Variants in KCNK2 observed in about 807,000 individuals in gnomAD.
KCNK2 encodes potassium two pore domain channel subfamily K member 2.
KCNK2 carries 21 observed loss-of-function variants against 40.5 expected under a neutral mutation model. The observed-to-expected ratio is 0.52, with a 90% CI of 0.37 to 0.75. KCNK2 has a LOEUF of 0.75. Ranked by LOEUF, KCNK2 falls within the 30% of genes least tolerant of loss-of-function variation. KCNK2 has a pLI of 0.00. For synonymous variants in KCNK2, 191 were observed against 202.2 expected (o/e 0.94, Z 0.47); for missense variants, 399 against 531.6 (o/e 0.75, Z 2.45).
intron 1 of KCNK2, among the ~76,000 whole-genome samples, chr1:215,036,155 T>G (rs1179747923): frequency 2.6e-5 from 4 of 151,778 alleles, no homozygotes; most frequent in African/African-American, 9.7e-5. Context: ...CCTAGAAAAT[T>G]TATAATTTTA....
intron 6 of KCNK2, among the ~76,000 whole-genome samples, chr1:215,199,966 T>C (rs973935128): frequency 1.3e-5 from 2 of 152,146 alleles, no homozygotes; most frequent in African/African-American, 4.8e-5. Context: ...GTTTGGGTGT[T>C]CCTGTGCACA....
intron 3 of KCNK2, among the ~76,000 whole-genome samples, chr1:215,142,184 A>G (rs1398010763): frequency 6.6e-6 from 1 of 151,698 alleles, no homozygotes; most frequent in African/African-American, 2.4e-5. Flanking sequence ...TCTTTTCCTA[A>G]TTTTGTCTTT....
intron 1 of KCNK2, among the ~76,000 whole-genome samples, chr1:215,060,955 A>C (rs61818277): frequency 0.011 from 1,698 of 152,310 alleles, 39 homozygotes; most frequent in South Asian, 0.097. Flanking sequence ...GAAGACATGA[A>C]TGTTAGGAAA....
intron 3 of KCNK2, among the ~76,000 whole-genome samples, chr1:215,155,491 C>T (rs1465717593): frequency 6.6e-6 from 1 of 151,916 alleles, no homozygotes; most frequent in Non-Finnish European, 1.5e-5. Flanking sequence ...AAATTTGTTA[C>T]TTATTCAGGA....
intron 6 of KCNK2, among the ~76,000 whole-genome samples, chr1:215,222,410 C>A (rs779041661): frequency 6.6e-6 from 1 of 152,134 alleles, no homozygotes; most frequent in African/African-American, 2.4e-5. Flanking sequence ...TTTGATTTTG[C>A]AGCCACACCT....
chr1:215,203,667 T>C (rs1322985642), intron 6 of KCNK2, among the ~76,000 whole-genome samples: 2 of 151,872 alleles, frequency 1.3e-5, no homozygotes, highest in African/African-American at 4.8e-5. Context: ...ACAAAAACTA[T>C]TGAGGGTGTG....
At chr1:215,021,579 T>C (rs1656792997) in intron 1 of KCNK2, among the ~76,000 whole-genome samples, 2 of 128,140 alleles carry the variant, frequency 1.6e-5, no homozygotes, top group African/African-American at 3.1e-5. Flanking sequence ...GGAATCTCGC[T>C]CTGTCGCCCA....
chr1:215,168,057 T>C (rs943629911), intron 3 of KCNK2, among the ~76,000 whole-genome samples: 1 of 151,968 alleles, frequency 6.6e-6, no homozygotes, highest in Non-Finnish European at 1.5e-5. Context: ...GCAAAAGATA[T>C]GAACAGACAC....
intron 2 of KCNK2, among the ~76,000 whole-genome samples, chr1:215,116,392 A>T (rs1335167764): frequency 1.3e-5 from 2 of 152,090 alleles, no homozygotes; most frequent in African/African-American, 4.8e-5. Context: ...ATGATTAAAA[A>T]AATCTCCCTA....
chr1:215,077,683 T>C (rs547469338), intron 1 of KCNK2, among the ~76,000 whole-genome samples: 2 of 152,136 alleles, frequency 1.3e-5, no homozygotes, highest in South Asian at 4.2e-4. Context: ...AGCCTCACTC[T>C]CTGAGCTTTC....
intron 3 of KCNK2, among the ~76,000 whole-genome samples, chr1:215,137,567 A>T (rs986526804): frequency 1.3e-5 from 2 of 152,236 alleles, no homozygotes; most frequent in African/African-American, 4.8e-5. Context: ...AATAAGATTT[A>T]TAAATAGAAT....
chr1:215,209,177 G>A, intron 6 of KCNK2, among the ~76,000 whole-genome samples: 1 of 136,436 alleles, frequency 7.3e-6, no homozygotes. Context: ...CATTTTTTAT[G>A]ATATCTAGTT....
In KCNK2 at chr1:215,177,639, A is replaced by T. The variant is rs115313467; in HGVS notation, c.823+5456A>T. Among the ~76,000 whole-genome samples the T allele has an allele frequency of 1.9e-3, 292 of 150,008 alleles. 1 individual carries two copies. Among genetic ancestry groups the T allele is most frequent in the African/African-American group, 6.3e-3 (260 of 41,000 alleles). On this transcript the variant is annotated intron_variant, in intron 5 of 6. Transcript: ENST00000444842. ...CTTTCCTCACTACTAATTTTTATTGACTTTGTCAAACATCACATGACTGTA... is the reference window on the plus strand; with the variant it reads ...CTTTCCTCACTACTAATTTTTATTGTCTTTGTCAAACATCACATGACTGTA...
chr1:215,096,112 G>C (rs1659966281), intron 2 of KCNK2, among the ~76,000 whole-genome samples: 1 of 151,784 alleles, frequency 6.6e-6, no homozygotes, highest in African/African-American at 2.4e-5. Context: ...GTTTTTTGTT[G>C]CACAAAATTC....
chr1:215,191,395 G>C (rs1423666927), intron 5 of KCNK2, among the ~76,000 whole-genome samples: 1 of 152,020 alleles, frequency 6.6e-6, no homozygotes, highest in African/African-American at 2.4e-5. Flanking sequence ...TCTTAATGCT[G>C]GGTAGAGGGA....
At chr1:215,233,451 TACACAC>T (rs35194601) in intron 6 of KCNK2, among the ~76,000 whole-genome samples, 1 of 149,044 alleles carries the variant, frequency 6.7e-6, no homozygotes, top group South Asian at 2.1e-4. Context: ...TGTTTTTGAG[TACACAC>T]ACACACACAC....
chr1:215,182,284 TGAGGAGGTGCTCCAAATGCCTG>T (rs1341459672), intron 5 of KCNK2, among the ~76,000 whole-genome samples: 1 of 151,850 alleles, frequency 6.6e-6, no homozygotes, highest in Admixed American at 6.6e-5. Flanking sequence ...CTGATCCAGT[TGAGGAGGTGCTCCAAATGCCTG>T]GAGCTCTGCC....
chr1:215,061,512 A>C (rs1410413746), intron 1 of KCNK2, among the ~76,000 whole-genome samples: 1 of 152,146 alleles, frequency 6.6e-6, no homozygotes. Flanking sequence ...AAAGAAAAAA[A>C]ATCTCCAGAC....
rs535204145 is a variant in KCNK2, at chr1:215,108,833, T to A, written c.358-15800T>A. 2.0e-5 allele frequency among the ~76,000 whole-genome samples: 3 copies of A among 151,248 alleles called. No homozygotes were observed. In the East Asian group the frequency reaches 5.9e-4, roughly 29 times the overall value. On this transcript the variant is annotated intron_variant, in intron 2 of 6. Coordinates refer to ENST00000444842, the MANE Select transcript of KCNK2 (RefSeq NM_001017425.3). ...ATGGGTGGGTGGGTGTGGATGTGTG[T>A]GTGTGAGGGGTTGGGGAGAGGGAGG...
Sources: gnomAD v4.1 joint callset for allele counts (sites outside exome capture counted in the v4.1 genomes callset) on GRCh38, gnomAD v4.1.1 for gene constraint, MANE v1.5 for transcripts, NCBI Gene and HGNC (gene_info 2026-07-23, HGNC 2026-07-21) for gene names.